The following RPTOR variants were observed in gnomAD, a reference collection of about 807,000 sequenced individuals.
The protein encoded by RPTOR is regulatory associated protein of MTOR complex 1.
In RPTOR, 21 loss-of-function variants were observed where a neutral mutation model predicts 169.9. The observed-to-expected ratio is 0.12, with a 90% CI of 0.09 to 0.18. RPTOR has a LOEUF of 0.18. Among genes scored for constraint, RPTOR ranks in the 10% least tolerant of loss-of-function variants. The pLI is 1.00. For missense variants in RPTOR, 1,133 were observed against 1,855.9 expected (o/e 0.61, Z 7.16); for synonymous variants, 732 against 753.2 (o/e 0.97, Z 0.46).
intron 6 of RPTOR, among the ~76,000 whole-genome samples, chr17:80,791,138 G>A (rs144506894): frequency 4.5e-4 from 68 of 151,632 alleles, no homozygotes; most frequent in East Asian, 4.4e-3. Flanking sequence ...CCAGCATCTC[G>A]TTTGGAGACT....
intron 5 of RPTOR, among the ~76,000 whole-genome samples, chr17:80,739,150 C>T (rs1355206091): frequency 5.9e-5 from 9 of 152,266 alleles, no homozygotes; most frequent in African/African-American, 2.2e-4. Context: ...ACCTCTGCCG[C>T]CACCACGGAG....
At chr17:80,696,614 G>A (rs2066038830) in intron 3 of RPTOR, among the ~76,000 whole-genome samples, 1 of 152,240 alleles carries the variant, frequency 6.6e-6, no homozygotes, top group African/African-American at 2.4e-5. Flanking sequence ...AGGCCGGCTG[G>A]TGCGTCAGAG....
chr17:80,579,215 T>C (rs918685995), intron 1 of RPTOR, among the ~76,000 whole-genome samples: 4 of 152,068 alleles, frequency 2.6e-5, no homozygotes, highest in African/African-American at 7.2e-5. Context: ...TATTTTGAGA[T>C]GGAGTTTCGC....
At chr17:80,711,774 C>A (rs12936287) in intron 4 of RPTOR, among the ~76,000 whole-genome samples, 7 of 64,214 alleles carry the variant, frequency 1.1e-4, no homozygotes, top group Non-Finnish European at 1.9e-4. Flanking sequence ...GTTAAGTCTC[C>A]CTCTGTCGCC....
intron 28 of RPTOR, among the ~76,000 whole-genome samples, chr17:80,950,573 G>A (rs951885431): frequency 5.9e-5 from 9 of 151,976 alleles, no homozygotes; most frequent in Non-Finnish European, 8.8e-5. Flanking sequence ...CCCGCACTCC[G>A]TGGGGGCCCT....
At chr17:80,556,005 G>A (rs1177623124) in intron 1 of RPTOR, among the ~76,000 whole-genome samples, 2 of 150,164 alleles carry the variant, frequency 1.3e-5, no homozygotes, top group South Asian at 4.2e-4. Flanking sequence ...GGCTGAGCTG[G>A]GAGGATCTAA....
At position 80,754,370 on chromosome 17, in the gene RPTOR, C is replaced by T. The variant is rs535498782; in HGVS notation, c.830+185C>T. Among the ~76,000 whole-genome samples the T allele has an allele frequency of 8.0e-4, 122 of 152,306 alleles. No homozygotes were observed. The highest frequency in any genetic ancestry group is 2.9e-3 in the African/African-American group (120 of 41,562). ...AGGTTTGGGTTCTACTCTTTGAGAGCTCAAGATCCTTCTTCCTTCTGATCT... is the reference window on the plus strand; with the variant it reads ...AGGTTTGGGTTCTACTCTTTGAGAGTTCAAGATCCTTCTTCCTTCTGATCT... On this transcript the variant is annotated intron_variant, in intron 6 of 33. Transcript: ENST00000306801. This position sits in a 1 kb window ranked among gnomAD's most constrained non-coding sequence, Gnocchi z 4.2.
At chr17:80,629,233 GTC>G (rs1029250378) in intron 2 of RPTOR, among the ~76,000 whole-genome samples, 2 of 149,822 alleles carry the variant, frequency 1.3e-5, no homozygotes, top group African/African-American at 4.9e-5. Flanking sequence ...TCTTCCATGT[GTC>G]TCTGTCTTCT....
chr17:80,738,311 C>T (rs1027305125), intron 5 of RPTOR, among the ~76,000 whole-genome samples: 1 of 152,266 alleles, frequency 6.6e-6, no homozygotes, highest in African/African-American at 2.4e-5. Context: ...GTCTGCGCAG[C>T]TGAGCTGAAT....
At chr17:80,613,052 C>T (rs774919085) in intron 1 of RPTOR, among the ~76,000 whole-genome samples, 3 of 152,194 alleles carry the variant, frequency 2.0e-5, no homozygotes, top group African/African-American at 4.8e-5. Flanking sequence ...TTGGATGCAT[C>T]TCCTGTAAGA....
At position 80,652,064 on chromosome 17, in the gene RPTOR, G is replaced by A. The variant is rs957030220; in HGVS notation, c.348+8254G>A. On this transcript the variant is annotated intron_variant, in intron 3 of 33. Coordinates refer to ENST00000306801, the MANE Select transcript of RPTOR (RefSeq NM_020761.3). ...GGGTGCCTGTAGTCCCAGCTATTCC[G>A]GAGGCTGAGGTAAGAGAATCGCTTG... 5.3e-5 allele frequency among the ~76,000 whole-genome samples: 8 copies of A among 151,458 alleles called. No homozygotes were observed. The East Asian group carries it at 5.8e-4, about 11-fold the overall frequency.
At chr17:80,680,287 C>A (rs866138918) in intron 3 of RPTOR, among the ~76,000 whole-genome samples, 9 of 152,326 alleles carry the variant, frequency 5.9e-5, no homozygotes, top group Middle Eastern at 3.4e-3. Flanking sequence ...TAACTGGAAT[C>A]CTAGAAGAGA....
At position 80,726,678 on chromosome 17, in the gene RPTOR, GAGGTGGCTGTAGGGTC is replaced by G. The variant is rs1278397385; in HGVS notation, c.508-3862_508-3847del. The stretch of plus-strand genomic sequence containing the variant: ...CTGATGGTGGCGCAGAGGACGTTGT[GAGGTGGCTGTAGGGTC>G]AGGTGGCTGTAGGGTCAGGGCTGGG... On this transcript the variant is annotated intron_variant, in intron 4 of 33. Coordinates refer to ENST00000306801, the MANE Select transcript of RPTOR (RefSeq NM_020761.3). This position sits in a 1 kb window ranked among gnomAD's most constrained non-coding sequence, Gnocchi z 4.5. Among the ~76,000 whole-genome samples, 5 of 152,282 alleles carry G rather than the reference GAGGTGGCTGTAGGGTC, an allele frequency of 3.3e-5. No individual in the cohort carries two copies. The highest frequency in any genetic ancestry group is 5.9e-5 in the Non-Finnish European group (4 of 68,028).
At position 80,957,902 on chromosome 17, in the gene RPTOR, G is replaced by A. The variant is rs140580514; in HGVS notation, c.3477+172G>A. ...TGCTGGGAGGAGACGTGGGCTCCCT[G>A]AGGCCTCTGGATGAAGGTGAACTGC... On this transcript the variant is annotated intron_variant, in intron 29 of 33. Coordinates refer to ENST00000306801, the MANE Select transcript of RPTOR (RefSeq NM_020761.3). The surrounding 1 kb of genome is among the most constrained non-coding windows in gnomAD (Gnocchi z 4.6). 0.011 allele frequency among the ~76,000 whole-genome samples: 1,637 copies of A among 152,306 alleles called. 13 individuals carry two copies. Among genetic ancestry groups the A allele is most frequent in the Non-Finnish European group, 0.018 (1,226 of 68,026 alleles).
intron 29 of RPTOR, among the ~76,000 whole-genome samples, chr17:80,958,405 CTTTTTTTTT>C (rs34955105): frequency 7.2e-5 from 6 of 83,664 alleles, no homozygotes; most frequent in African/African-American, 5.3e-5. Flanking sequence ...ATTTTTGTTT[CTTTTTTTTT>C]TTTTTTTTTT....
At chr17:80,799,270 G>A (rs1324269553) in intron 7 of RPTOR, among the ~76,000 whole-genome samples, 2 of 152,186 alleles carry the variant, frequency 1.3e-5, no homozygotes, top group Admixed American at 6.5e-5. Flanking sequence ...AGAATCCTAA[G>A]GACTGTAGAC....
At chr17:80,846,008 T>C (rs1267820604) in intron 10 of RPTOR, among the ~76,000 whole-genome samples, 1 of 152,216 alleles carries the variant, frequency 6.6e-6, no homozygotes, top group Non-Finnish European at 1.5e-5. Context: ...GCAGAGGCTC[T>C]GTCCTGGGCC....
intron 1 of RPTOR, among the ~76,000 whole-genome samples, chr17:80,589,140 G>A (rs1325947570): frequency 2.0e-5 from 3 of 152,128 alleles, no homozygotes; most frequent in East Asian, 3.8e-4. Flanking sequence ...TGGCCCATCC[G>A]GCATTGGCTT....
intron 24 of RPTOR, among the ~76,000 whole-genome samples, chr17:80,934,487 G>T (rs2068933021): frequency 1.3e-5 from 2 of 152,070 alleles, no homozygotes; most frequent in Non-Finnish European, 2.9e-5. Flanking sequence ...TCCTCCCCAG[G>T]AGCTGGGACT....
Sources: gnomAD v4.1 joint callset for allele counts (sites outside exome capture counted in the v4.1 genomes callset) on GRCh38, gnomAD v4.1.1 for gene constraint, Gnocchi (gnomAD v3.1) non-coding constraint, MANE v1.5 for transcripts, NCBI Gene and HGNC (gene_info 2026-07-23, HGNC 2026-07-21) for gene names.